Variants in PTPRG observed in about 807,000 individuals in gnomAD.
PTPRG encodes the protein protein tyrosine phosphatase receptor type G.
A neutral mutation model predicts 165.3 loss-of-function variants in PTPRG; 102 were observed. That is an observed-to-expected ratio of 0.62 (90% confidence interval 0.53 to 0.73). The LOEUF (loss-of-function observed/expected upper bound fraction) is 0.73, where lower values mean the gene tolerates loss of function less well. Among genes scored for constraint, PTPRG ranks in the 30% least tolerant of loss-of-function variants. PTPRG has a pLI of 0.00. For synonymous variants in PTPRG, 675 were observed against 669.5 expected, an observed-to-expected ratio of 1.01 and a Z score of -0.13; for missense variants, 1,866 against 1,861.4, an observed-to-expected ratio of 1.00 and a Z score of -0.05.
intron 4 of PTPRG, among the ~76,000 whole-genome samples, chr3:62,046,979 T>A (rs1375416729): frequency 6.6e-6 from 1 of 152,204 alleles, no homozygotes; most frequent in Non-Finnish European, 1.5e-5. Context: ...ATTACCATCC[T>A]GTATTATGGA....
At chr3:61,836,395 T>G (rs1411155665) in intron 2 of PTPRG, among the ~76,000 whole-genome samples, 1 of 152,212 alleles carries the variant, frequency 6.6e-6, no homozygotes, top group Non-Finnish European at 1.5e-5. Context: ...TGTAACATTT[T>G]GAGGCCTGGT....
intron 1 of PTPRG, among the ~76,000 whole-genome samples, chr3:61,721,792 A>C (rs1575609955): frequency 6.6e-6 from 1 of 152,292 alleles, no homozygotes; most frequent in Non-Finnish European, 1.5e-5. Context: ...CAGAACAATG[A>C]GAAAATAAAG....
intron 4 of PTPRG, among the ~76,000 whole-genome samples, chr3:62,008,429 G>A (rs2041345434): frequency 6.6e-6 from 1 of 152,148 alleles, no homozygotes; most frequent in African/African-American, 2.4e-5. Context: ...TGCCCCTTCT[G>A]GTAAAAGTCA....
At chr3:61,748,693 TTAA>T (rs1322213751) in intron 1 of PTPRG, among the ~76,000 whole-genome samples, 182 bp from the exon 2 acceptor site, 4 of 151,192 alleles carry the variant, frequency 2.6e-5, no homozygotes, top group Admixed American at 6.6e-5. Flanking sequence ...ATTCCTAATA[TTAA>T]TAATAATAAT....
At chr3:61,681,073 A>AAAG (rs1703424998) in intron 1 of PTPRG, among the ~76,000 whole-genome samples, 1 of 151,120 alleles carries the variant, frequency 6.6e-6, no homozygotes, top group Non-Finnish European at 1.5e-5. Flanking sequence ...AAAAAAAAAA[A>AAAG]AAAAGAAGAA....
At chr3:61,803,919 T>A (rs1451810516) in intron 2 of PTPRG, among the ~76,000 whole-genome samples, 1 of 152,194 alleles carries the variant, frequency 6.6e-6, no homozygotes, top group South Asian at 2.1e-4. Context: ...CATGGCAAGA[T>A]CCATTTGTTG....
intron 8 of PTPRG, among the ~76,000 whole-genome samples, chr3:62,188,862 G>C (rs1346681620): frequency 6.6e-6 from 1 of 152,134 alleles, no homozygotes; most frequent in Non-Finnish European, 1.5e-5. Context: ...ATCATTATGG[G>C]ATATAGAAGC....
intron 1 of PTPRG, among the ~76,000 whole-genome samples, chr3:61,647,483 A>G (rs1702230093): frequency 1.3e-5 from 2 of 152,196 alleles, no homozygotes; most frequent in Admixed American, 6.5e-5. Context: ...GTTCAGGTTC[A>G]TCCAGCTCAT....
At chr3:61,690,422 A>G (rs1445301576) in intron 1 of PTPRG, among the ~76,000 whole-genome samples, 1 of 152,180 alleles carries the variant, frequency 6.6e-6, no homozygotes, top group East Asian at 1.9e-4. Context: ...GACGTATTAA[A>G]TACAACGGCT....
intron 1 of PTPRG, among the ~76,000 whole-genome samples, chr3:61,729,065 AAAAC>A (rs33984870): frequency 1.1e-4 from 17 of 151,656 alleles, no homozygotes; most frequent in South Asian, 2.1e-4. Flanking sequence ...CTGTCTCAAA[AAAAC>A]AAACAAACAA....
chr3:61,599,737 G>T (rs1700797181), intron 1 of PTPRG, among the ~76,000 whole-genome samples: 1 of 151,568 alleles, frequency 6.6e-6, no homozygotes, highest in Admixed American at 6.6e-5. Context: ...GAAGTGATCT[G>T]CACGCCTTGG....
At chr3:62,078,104 T>A in intron 4 of PTPRG, 59 bp from the exon 5 acceptor site, 1 of 1,222,452 alleles carries the variant, frequency 8.2e-7, no homozygotes, top group Non-Finnish European at 1.2e-6. Context: ...TACTATTCTC[T>A]CAACTTTTTA....
intron 2 of PTPRG, among the ~76,000 whole-genome samples, chr3:61,873,795 A>C (rs1037731679): frequency 2.6e-5 from 4 of 152,142 alleles, no homozygotes; most frequent in African/African-American, 9.7e-5. Flanking sequence ...ATAAATGATT[A>C]GCTAAGTGAT....
At chr3:62,071,630 C>G (rs1368913297) in intron 4 of PTPRG, among the ~76,000 whole-genome samples, 2 of 152,190 alleles carry the variant, frequency 1.3e-5, no homozygotes, top group African/African-American at 2.4e-5. Context: ...GTATCTTCAT[C>G]TGTCATGGTG....
At chr3:61,576,813 A>C (rs192658478) in intron 1 of PTPRG, among the ~76,000 whole-genome samples, 75 of 152,332 alleles carry the variant, frequency 4.9e-4, no homozygotes, top group African/African-American at 1.7e-3. Flanking sequence ...AGAAAAAAAA[A>C]TCCAGTCTCT....
At chr3:61,601,575 G>A (rs1248376481) in intron 1 of PTPRG, among the ~76,000 whole-genome samples, 1 of 152,246 alleles carries the variant, frequency 6.6e-6, no homozygotes, top group African/African-American at 2.4e-5. Context: ...CAAAGGATCA[G>A]TGAGTCTCTT....
Position 62,066,806 on chromosome 3 carries a change from G to A in PTPRG, c.520-11357G>A, listed in dbSNP as rs62243342. Among the ~76,000 whole-genome samples, 60 of 152,270 alleles carry A rather than the reference G, an allele frequency of 3.9e-4. 1 individual carries two copies. In the East Asian group the frequency reaches 0.01, roughly 25 times the overall value. On this transcript the variant is annotated intron_variant, in intron 4 of 29. Coordinates refer to ENST00000474889, the MANE Select transcript of PTPRG (RefSeq NM_002841.4). ...TGTAATCCCAGCACTTTGGGAGGCC[G>A]AGGTGGGCGGATCATGAGGTCAGGA...
intron 1 of PTPRG, among the ~76,000 whole-genome samples, chr3:61,720,251 G>A (rs1266469331): frequency 6.6e-6 from 1 of 151,972 alleles, no homozygotes; most frequent in East Asian, 1.9e-4. Context: ...AGCCTCCCGA[G>A]TAGCTGGGAT....
intron 2 of PTPRG, among the ~76,000 whole-genome samples, chr3:61,981,409 G>A (rs1575847300): frequency 6.6e-6 from 1 of 152,204 alleles, no homozygotes; most frequent in Admixed American, 6.5e-5. Context: ...TCAATCTCTT[G>A]TCAAGGAGGA....
Sources: gnomAD v4.1 joint callset for allele counts (sites outside exome capture counted in the v4.1 genomes callset) on GRCh38, gnomAD v4.1.1 for gene constraint, MANE v1.5 for transcripts, NCBI Gene and HGNC (gene_info 2026-07-23, HGNC 2026-07-21) for gene names.